The following PEAK1 variants were observed in gnomAD, a reference collection of about 807,000 sequenced individuals.
The protein encoded by PEAK1 is inactive tyrosine-protein kinase PEAK1.
In PEAK1, 54 loss-of-function variants were observed where a neutral mutation model predicts 124.7. That is an observed-to-expected ratio of 0.43 (90% CI 0.35 to 0.54). The LOEUF (loss-of-function observed/expected upper bound fraction) is 0.54, where lower values mean the gene tolerates loss of function less well. Among genes scored for constraint, PEAK1 ranks in the 20% least tolerant of loss-of-function variants. The pLI is 0.01. For synonymous variants in PEAK1, 719 were observed against 760.0 expected, an observed-to-expected ratio of 0.95 and a Z score of 0.89; for missense variants, 2,046 against 2,134.5, an observed-to-expected ratio of 0.96 and a Z score of 0.82.
chr15:77,133,841 T>C lies in PEAK1; in HGVS notation c.3332-91A>G, dbSNP rs986879204. ...GAAACTTGAGCAGAAATGAGTGAGG[T>C]AGCCATGGGAATGTAAGAATAAGTC... On this transcript the variant is annotated intron_variant, in intron 8 of 9. Transcript: ENST00000682557. This position sits in a 1 kb window ranked among gnomAD's most constrained non-coding sequence, Gnocchi z 4.2. 3 of 1,357,374 alleles carry C rather than the reference T, an allele frequency of 2.2e-6. No individual in the cohort carries two copies. In the South Asian group the frequency reaches 4.7e-5, roughly 21 times the overall value. The allele number at this position is 1,357,374 out of a possible 1,614,324, so 84.1% of individuals were successfully genotyped here.
At chr15:77,384,925 A>G (rs1460667913) in intron 1 of PEAK1, among the ~76,000 whole-genome samples, 1 of 152,218 alleles carries the variant, frequency 6.6e-6, no homozygotes, top group East Asian at 1.9e-4. Flanking sequence ...AGGCCTTTTT[A>G]CAAATAAACT....
chr15:77,161,116 C>T (rs1458287159), intron 7 of PEAK1, among the ~76,000 whole-genome samples: 1 of 152,168 alleles, frequency 6.6e-6, no homozygotes, highest in Non-Finnish European at 1.5e-5. Context: ...GAAAACTCAC[C>T]CGCTGTGCTC....
At chr15:77,320,845 T>TCC in intron 2 of PEAK1, among the ~76,000 whole-genome samples, 1 of 151,532 alleles carries the variant, frequency 6.6e-6, no homozygotes, top group East Asian at 1.9e-4. Context: ...GTGTGTGATG[T>TCC]CCCCCTTCCT....
At position 77,181,521 on chromosome 15, in the gene PEAK1, T is replaced by C. The variant is rs752961289; in HGVS notation, c.406A>G (p.Asn136Asp). The C allele has an allele frequency of 1.8e-5, 29 of 1,614,026 alleles. No individual in the cohort carries two copies. Among genetic ancestry groups the C allele is most frequent in the Non-Finnish European group, 2.5e-5 (29 of 1,180,030 alleles). The change falls in exon 7 of 10, where the codon AAT becomes GAT. Residue 136 changes from asparagine (N) to aspartate (D), a missense_variant. Transcript: ENST00000682557. ...TCTGACATCTTCTTTGCACTATCAT[T>C]ATTGCCATAAGGCTTAGGAACATGG... is the stretch of plus-strand genomic sequence containing the variant. The part of the protein sequence containing the change: ...ISHVPKPYGN[N>D]DSAKKMSDNN...
chr15:77,146,575 G>A (rs767388768), intron 8 of PEAK1, among the ~76,000 whole-genome samples: 4 of 152,122 alleles, frequency 2.6e-5, no homozygotes, highest in African/African-American at 4.8e-5. Context: ...ATTTTTAAAT[G>A]GGAATGCAGC....
chr15:77,357,793 A>G (rs1008714039), intron 2 of PEAK1, among the ~76,000 whole-genome samples: 3 of 152,188 alleles, frequency 2.0e-5, no homozygotes, highest in African/African-American at 7.2e-5. Flanking sequence ...TAAATTTCTG[A>G]CCACATACCT....
chr15:77,388,178 A>T (rs577625265), intron 1 of PEAK1, among the ~76,000 whole-genome samples: 2 of 152,156 alleles, frequency 1.3e-5, no homozygotes, highest in South Asian at 4.1e-4. Context: ...TGGGCAACAG[A>T]GCAAGATCCT....
intron 2 of PEAK1, among the ~76,000 whole-genome samples, chr15:77,297,700 A>G (rs2063554560): frequency 7.0e-6 from 1 of 142,170 alleles, no homozygotes; most frequent in South Asian, 2.4e-4. Flanking sequence ...CAGAGGTTGC[A>G]GTGAGCCAAG....
chr15:77,336,168 T>C, intron 2 of PEAK1: 4 of 985,434 alleles, frequency 4.1e-6, no homozygotes, highest in Non-Finnish European at 4.8e-6. Flanking sequence ...GACCTGCACC[T>C]ACTTGTTCTA....
At position 77,406,219 on chromosome 15, in the gene PEAK1, C is replaced by T. The variant is rs1393412899; in HGVS notation, c.-666+13787G>A. ...TGAAGTCTTTAGTTTTGAGGTTTAG[C>T]AGTATGGATGTAGCCAGATTCCAAA... On this transcript the variant is annotated intron_variant, in intron 1 of 9. Transcript: ENST00000682557. 5.9e-5 allele frequency among the ~76,000 whole-genome samples: 9 copies of T among 152,206 alleles called. No homozygotes were observed. The South Asian group carries it at 1.9e-3, about 32-fold the overall frequency.
chr15:77,346,584 G>T, intron 2 of PEAK1: 1 of 985,266 alleles, frequency 1.0e-6, no homozygotes, highest in Non-Finnish European at 1.2e-6. Context: ...ATCTCAAGAG[G>T]TTTTTCCCTT....
intron 2 of PEAK1, among the ~76,000 whole-genome samples, chr15:77,345,559 T>C (rs1567287676): frequency 6.6e-6 from 1 of 152,138 alleles, no homozygotes. Context: ...TTACATCAGA[T>C]AAAACCTACC....
intron 6 of PEAK1, among the ~76,000 whole-genome samples, chr15:77,221,589 T>G (rs912690555): frequency 6.6e-6 from 1 of 152,090 alleles, no homozygotes; most frequent in Non-Finnish European, 1.5e-5. Context: ...ATATAGCTAA[T>G]AGGTTATCCT....
intron 2 of PEAK1, among the ~76,000 whole-genome samples, chr15:77,362,702 T>C (rs1313265974): frequency 6.6e-6 from 1 of 152,008 alleles, no homozygotes; most frequent in African/African-American, 2.4e-5. Context: ...CACAAAAACT[T>C]ATACACAAAT....
At chr15:77,287,454 C>T (rs923414329) in intron 2 of PEAK1, among the ~76,000 whole-genome samples, 7 of 152,170 alleles carry the variant, frequency 4.6e-5, no homozygotes, top group African/African-American at 1.7e-4. Context: ...ATATAATATC[C>T]TACTATTCAA....
intron 6 of PEAK1, chr15:77,204,999 C>A: frequency 5.1e-6 from 1 of 195,686 alleles, no homozygotes; most frequent in South Asian, 8.1e-5. Flanking sequence ...AGTGGCTAAT[C>A]AAGAAATTAA....
chr15:77,299,005 C>A (rs2063653846), intron 2 of PEAK1, among the ~76,000 whole-genome samples: 1 of 152,202 alleles, frequency 6.6e-6, no homozygotes, highest in Admixed American at 6.5e-5. Context: ...CTGTGAGACC[C>A]AGCTGGATGC....
At chr15:77,351,174 G>A (rs919949678) in intron 2 of PEAK1, among the ~76,000 whole-genome samples, 6 of 152,106 alleles carry the variant, frequency 3.9e-5, no homozygotes, top group African/African-American at 1.2e-4. Flanking sequence ...TTCCTGGGGA[G>A]GTGAAGAAAA....
At chr15:77,167,891 C>T (rs890284321) in intron 7 of PEAK1, among the ~76,000 whole-genome samples, 1 of 152,118 alleles carries the variant, frequency 6.6e-6, no homozygotes, top group African/African-American at 2.4e-5. Context: ...TCCCCCATGC[C>T]CCCACCCCAC....
Sources: gnomAD v4.1 joint callset for allele counts (sites outside exome capture counted in the v4.1 genomes callset) on GRCh38, gnomAD v4.1.1 for gene constraint, Gnocchi (gnomAD v3.1) non-coding constraint, MANE v1.5 for transcripts, NCBI Gene and HGNC (gene_info 2026-07-23, HGNC 2026-07-21) for gene names.